The following BEND4 variants were observed in gnomAD, a reference collection of about 807,000 sequenced individuals.
BEND4 encodes the protein BEN domain-containing protein 4.
In BEND4, 27 loss-of-function variants were observed where a neutral mutation model predicts 54.7. That is an observed-to-expected ratio of 0.49 (90% confidence interval 0.36 to 0.68). BEND4 has a LOEUF of 0.68. Among genes scored for constraint, BEND4 ranks in the 30% least tolerant of loss-of-function variants. The pLI is 0.00. For missense variants in BEND4, 702 were observed against 697.2 expected (o/e 1.01, Z -0.08); for synonymous variants, 327 against 299.5 (o/e 1.09, Z -0.95).
At chr4:42,148,062 T>C (rs999349368) in intron 2 of BEND4, among the ~76,000 whole-genome samples, 2 of 152,214 alleles carry the variant, frequency 1.3e-5, no homozygotes, top group Non-Finnish European at 1.5e-5. Context: ...TTTAGTGACC[T>C]ACTATCATGT....
At position 42,115,167 on chromosome 4, in the gene BEND4, G is replaced by GA. The variant is rs1225486401; in HGVS notation, c.*2350dup. 6.6e-6 allele frequency: 1 copy of GA among 152,262 alleles called. No homozygotes were observed. The highest frequency in any genetic ancestry group is 1.5e-5 in the Non-Finnish European group (1 of 68,072). The allele number at this position is 152,262 out of a possible 1,614,324, so 9.4% of individuals were successfully genotyped here. ...TCAACATTCAGAATCTGTGGATGGA[G>GA]AAACAGCTGATAGAGAAATGATTAA... On this transcript the variant is annotated 3_prime_UTR_variant, in exon 6 of 6. Transcript: ENST00000502486.
At chr4:42,121,984 G>A (rs1720082262) in intron 4 of BEND4, among the ~76,000 whole-genome samples, 1 of 152,104 alleles carries the variant, frequency 6.6e-6, no homozygotes, top group Non-Finnish European at 1.5e-5. Context: ...GCTCCTAAGG[G>A]CTCTGAATGG....
Position 42,143,620 on chromosome 4 carries a change from G to A in BEND4, c.862C>T (p.His288Tyr). 1.9e-6 allele frequency: 3 copies of A among 1,610,116 alleles called. No individual in the cohort carries two copies. Among genetic ancestry groups the A allele is most frequent in the East Asian group, 2.2e-5 (1 of 44,806 alleles). ...GGGGAAGTCCAGCCACCTAATGTAT[G>A]CACAGGAGAGGTTGACAGAGGATCC... ...DVDPLSTSPVHTLGGWTSPAT... is the reference protein window; with the variant it reads ...DVDPLSTSPVYTLGGWTSPAT... Residue 288 changes from histidine to tyrosine, a missense_variant, in exon 3 of 6, where the codon CAT becomes TAT. His to Tyr is a moderately conservative substitution (Grantham distance 83). Coordinates refer to ENST00000502486, the MANE Select transcript of BEND4 (RefSeq NM_207406.4).
In BEND4 at chr4:42,117,733, A is replaced by G; in HGVS notation, c.1390T>C (p.Phe464Leu). 1 of 1,590,744 alleles carries G rather than the reference A, an allele frequency of 6.3e-7. No homozygotes were observed. The highest frequency in any genetic ancestry group is 8.6e-7 in the Non-Finnish European group (1 of 1,166,688). ...TTGGAGGTACAATGCATCCTAATGA[A>G]TTCTGCAGGAATATATACAACATCA... ...DPVKVTCLRE[F>L]IRMHCTSNPD... Residue 464 changes from phenylalanine to leucine, a missense_variant and splice_region_variant, in exon 6 of 6, where the codon TTC becomes CTC. Physicochemically the swap from Phe to Leu is conservative, Grantham distance 22. Coordinates refer to ENST00000502486, the MANE Select transcript of BEND4 (RefSeq NM_207406.4).
At chr4:42,119,555 T>G (rs1439065233) in intron 5 of BEND4, among the ~76,000 whole-genome samples, 4 of 152,210 alleles carry the variant, frequency 2.6e-5, no homozygotes, top group Non-Finnish European at 5.9e-5. Context: ...AACTTTTTTT[T>G]TTTAACCAAA....
chr4:42,124,058 A>T (rs1029267536), intron 4 of BEND4, among the ~76,000 whole-genome samples: 1 of 152,228 alleles, frequency 6.6e-6, no homozygotes, highest in African/African-American at 2.4e-5. Context: ...ACATGTAGTC[A>T]ATGTTATAAG....
At position 42,151,769 on chromosome 4, in the gene BEND4, G is replaced by A. The variant is rs1283169330; in HGVS notation, c.375C>T (p.Ala125=). Residue 125 remains alanine (A), a synonymous_variant, in exon 2 of 6, where the codon GCC becomes GCT. Transcript: ENST00000502486. The part of the protein sequence containing the change: ...TPAQPPPASP[A]ASSSSSFAAV... Reference sequence around the variant, plus strand: ...CGGCGAACGAAGACGACGAGGAGGCGGCGGGGGACGCGGGCGGCGGCTGCG... The same window carrying A: ...CGGCGAACGAAGACGACGAGGAGGCAGCGGGGGACGCGGGCGGCGGCTGCG... 8.0e-6 allele frequency: 12 copies of A among 1,497,254 alleles called. No homozygotes were observed. The highest frequency in any genetic ancestry group is 8.8e-6 in the Non-Finnish European group (10 of 1,130,150). 92.7% of individuals were successfully genotyped at this position (1,497,254 alleles called of 1,614,324 possible).
chr4:42,143,606 G>A lies in BEND4; in HGVS notation c.876C>T (p.Gly292=), dbSNP rs1168374630. ...ATTCGGACGTTGCTGGGGAAGTCCAGCCACCTAATGTATGCACAGGAGAGG... is the reference window on the plus strand; with the variant it reads ...ATTCGGACGTTGCTGGGGAAGTCCAACCACCTAATGTATGCACAGGAGAGG... The part of the protein sequence containing the change: ...LSTSPVHTLG[G]WTSPATSESH... Residue 292 remains glycine, a synonymous_variant, in exon 3 of 6, where the codon GGC becomes GGT. Coordinates refer to ENST00000502486, the MANE Select transcript of BEND4 (RefSeq NM_207406.4). 1.2e-6 allele frequency: 2 copies of A among 1,603,546 alleles called. No homozygotes were observed. Among genetic ancestry groups the A allele is most frequent in the African/African-American group, 2.7e-5 (2 of 74,760 alleles).
At chr4:42,119,876 C>T in intron 5 of BEND4, 178 bp downstream of exon 5, 1 of 699,116 alleles carries the variant, frequency 1.4e-6, no homozygotes, top group Admixed American at 2.3e-5. Context: ...AACGCTAAGG[C>T]AAACGGAGGT....
chr4:42,125,553 G>A (rs752253305), intron 4 of BEND4, 30 bp downstream of exon 4: 2 of 1,517,102 alleles, frequency 1.3e-6, no homozygotes, highest in Admixed American at 3.3e-5. Context: ...AATTCCAAAT[G>A]GAACATTCAC....
chr4:42,114,125 A>G lies in BEND4; in HGVS notation c.*3393T>C, dbSNP rs1326957899. On this transcript the variant is annotated 3_prime_UTR_variant, in exon 6 of 6. Transcript: ENST00000502486. ...AAGGTTAAGCCATGAGATTTTGAAC[A>G]ATGCACCGTCAAGAGTCAGTGAGAA... is the stretch of plus-strand genomic sequence containing the variant. 1 of 152,226 alleles carries G rather than the reference A, an allele frequency of 6.6e-6. No individual in the cohort carries two copies. Among genetic ancestry groups the G allele is most frequent in the African/African-American group, 2.4e-5 (1 of 41,458 alleles). The allele number at this position is 152,226 out of a possible 1,614,324, so 9.4% of individuals were successfully genotyped here.
intron 5 of BEND4, 119 bp from the exon 6 acceptor site, chr4:42,117,854 G>A: frequency 1.5e-6 from 1 of 664,564 alleles, no homozygotes. Context: ...AGCTTTATGG[G>A]AAATCCAACG....
In BEND4 at chr4:42,116,140, C is replaced by G. The variant is rs529462118; in HGVS notation, c.*1378G>C. The G allele has an allele frequency of 3.9e-5, 6 of 152,174 alleles. No individual in the cohort carries two copies. Among genetic ancestry groups the G allele is most frequent in the Non-Finnish European group, 8.8e-5 (6 of 68,036 alleles). The allele number at this position is 152,174 out of a possible 1,614,324, so 9.4% of individuals were successfully genotyped here. A position where few individuals can be genotyped will look rare whatever the true frequency, so the allele number is the denominator to read the frequency against. ...CCCTTTATCAATGGATGCTCATTAA[C>G]CTGAATCTCCAACCAATTTTCAAAA... On this transcript the variant is annotated 3_prime_UTR_variant, in exon 6 of 6. Coordinates refer to ENST00000502486, the MANE Select transcript of BEND4 (RefSeq NM_207406.4).
Position 42,117,342 on chromosome 4 carries a change from G to T in BEND4, c.*176C>A. 1.8e-6 allele frequency: 1 copy of T among 565,762 alleles called. No homozygotes were observed. The highest frequency in any genetic ancestry group is 3.1e-6 in the Non-Finnish European group (1 of 320,554). The allele number at this position is 565,762 out of a possible 1,614,324, so 35.0% of individuals were successfully genotyped here. A position where few individuals can be genotyped will look rare whatever the true frequency, so the allele number is the denominator to read the frequency against. Reference sequence around the variant, plus strand: ...ATAATATTCCAAAAGTCTGTTGTAGGTGCCACAGACTTCCCAAACAACCCT... The same window carrying T: ...ATAATATTCCAAAAGTCTGTTGTAGTTGCCACAGACTTCCCAAACAACCCT... On this transcript the variant is annotated 3_prime_UTR_variant, in exon 6 of 6. Coordinates refer to ENST00000502486, the MANE Select transcript of BEND4 (RefSeq NM_207406.4).
intron 2 of BEND4, among the ~76,000 whole-genome samples, chr4:42,150,626 G>A (rs1721234758): frequency 6.6e-6 from 1 of 152,256 alleles, no homozygotes; most frequent in African/African-American, 2.4e-5. Context: ...TAGTTCTAAT[G>A]AGTGGATAAA....
rs1721327697 is a variant in BEND4 at position 42,152,177 on chromosome 4, C to T, written c.-34G>A. On this transcript the variant is annotated 5_prime_UTR_variant, in exon 2 of 6. Coordinates refer to ENST00000502486, the MANE Select transcript of BEND4 (RefSeq NM_207406.4). Reference sequence around the variant, plus strand: ...TCGGGGCCGGTCCCTCGGAGCACGTCCCCTCCCCGCCGGGCGCCGGGCTCC... The same window carrying T: ...TCGGGGCCGGTCCCTCGGAGCACGTTCCCTCCCCGCCGGGCGCCGGGCTCC... The T allele has an allele frequency of 1.6e-6, 2 of 1,238,232 alleles. No individual in the cohort carries two copies. The highest frequency in any genetic ancestry group is 2.0e-6 in the Non-Finnish European group (2 of 983,328). The allele number at this position is 1,238,232 out of a possible 1,614,324, so 76.7% of individuals were successfully genotyped here.
At chr4:42,128,434 T>C (rs941939978) in intron 3 of BEND4, among the ~76,000 whole-genome samples, 1 of 151,994 alleles carries the variant, frequency 6.6e-6, no homozygotes, top group Non-Finnish European at 1.5e-5. Flanking sequence ...CCATCCTGGC[T>C]AACACGGTGA....
intron 2 of BEND4, among the ~76,000 whole-genome samples, chr4:42,147,071 T>A (rs1485814985): frequency 6.6e-6 from 1 of 152,210 alleles, no homozygotes; most frequent in Non-Finnish European, 1.5e-5. Flanking sequence ...AGAGAATAGT[T>A]ACAATCATAA....
intron 2 of BEND4, among the ~76,000 whole-genome samples, chr4:42,149,032 T>A (rs577081873): frequency 6.6e-6 from 1 of 152,290 alleles, no homozygotes; most frequent in South Asian, 2.1e-4. Flanking sequence ...AACCCTTTCA[T>A]CTTTTCACTC....
Sources: gnomAD v4.1 joint callset for allele counts (sites outside exome capture counted in the v4.1 genomes callset) on GRCh38, gnomAD v4.1.1 for gene constraint, MANE v1.5 for transcripts, NCBI Gene and HGNC (gene_info 2026-07-23, HGNC 2026-07-21) for gene names.